Variants in IMPG2 observed in about 807,000 individuals in gnomAD.
IMPG2 encodes IPM 200.
Under a neutral mutation model 129.2 loss-of-function variants are expected in IMPG2, and 91 were observed. That is an observed-to-expected ratio of 0.70 (90% CI 0.59 to 0.84). The LOEUF is 0.84. IMPG2 is among the 40% of genes least tolerant of loss of function. The pLI is 0.00. For missense variants in IMPG2, 1,430 were observed against 1,461.7 expected (o/e 0.98, Z 0.35); for synonymous variants, 510 against 517.7 (o/e 0.99, Z 0.20).
In IMPG2 at chr3:101,245,855, C is replaced by T; in HGVS notation, c.1490G>A (p.Gly497Asp). The T allele has an allele frequency of 6.2e-7, 1 of 1,614,196 alleles. No homozygotes were observed. Among genetic ancestry groups the T allele is most frequent in the South Asian group, 1.1e-5 (1 of 91,090 alleles). The change falls in exon 12 of 19, where the codon GGC becomes GAC. Residue 497 changes from glycine (G) to aspartate (D), a missense_variant. By Grantham distance (94) the Gly-to-Asp change is moderately conservative. Coordinates refer to ENST00000193391, the MANE Select transcript of IMPG2 (RefSeq NM_016247.4). Reference protein sequence around the residue: ...HSVTPAVLQTGLPVASEERTS... With the variant: ...HSVTPAVLQTDLPVASEERTS... ...CCTTTCCTCAGAAGCCACAGGCAAGCCAGTCTGAAGCACTGCCGGGGTGAC... is the reference window on the plus strand; with the variant it reads ...CCTTTCCTCAGAAGCCACAGGCAAGTCAGTCTGAAGCACTGCCGGGGTGAC...
At chr3:101,314,226 C>T (rs889168567) in intron 2 of IMPG2, among the ~76,000 whole-genome samples, 2 of 151,960 alleles carry the variant, frequency 1.3e-5, no homozygotes, top group Non-Finnish European at 2.9e-5. Context: ...AATAATATTC[C>T]TAAAAACAAA....
At chr3:101,292,547 T>A (rs913760342) in intron 3 of IMPG2, among the ~76,000 whole-genome samples, 1 of 152,226 alleles carries the variant, frequency 6.6e-6, no homozygotes, top group African/African-American at 2.4e-5. Flanking sequence ...TCTTTCTGCT[T>A]CTGGAGGGTC....
Position 101,320,416 on chromosome 3 carries a change from T to A in IMPG2, c.-44A>T. 1 of 1,191,656 alleles carries A rather than the reference T, an allele frequency of 8.4e-7. No individual in the cohort carries two copies. Among genetic ancestry groups the A allele is most frequent in the Non-Finnish European group, 1.3e-6 (1 of 798,606 alleles). The allele number at this position is 1,191,656 out of a possible 1,614,324, so 73.8% of individuals were successfully genotyped here. A position where few individuals can be genotyped will look rare whatever the true frequency, so the allele number is the denominator to read the frequency against. On this transcript the variant is annotated 5_prime_UTR_variant, in exon 1 of 19. Transcript: ENST00000193391. ...AATGAGGAGAGGACAGAATCCTTAA[T>A]TGAGTGTCCAAATCCTTGAAACTTC...
chr3:101,246,332 G>A (rs924379597), intron 11 of IMPG2, among the ~76,000 whole-genome samples: 1 of 152,084 alleles, frequency 6.6e-6, no homozygotes, highest in Non-Finnish European at 1.5e-5. Context: ...GAAAACCAAG[G>A]ACAGATGAGG....
At chr3:101,257,808 C>T (rs1423983749) in intron 9 of IMPG2, 35 bp from the exon 10 acceptor site, 1 of 1,611,350 alleles carries the variant, frequency 6.2e-7, no homozygotes, top group East Asian at 2.2e-5. Context: ...TTAGGTTCAG[C>T]TAAGGAAGCA....
intron 10 of IMPG2, 122 bp from the exon 11 acceptor site, chr3:101,253,903 A>G: frequency 1.4e-6 from 1 of 697,138 alleles, no homozygotes; most frequent in African/African-American, 1.8e-5. Context: ...AAAATACGGG[A>G]CACACTTACT....
At chr3:101,233,013 A>G in intron 14 of IMPG2, 22 bp from the exon 15 acceptor site, 2 of 1,611,460 alleles carry the variant, frequency 1.2e-6, no homozygotes, top group Non-Finnish European at 1.7e-6. Context: ...AACAAAGAAT[A>G]ATGCAAGAAA....
At chr3:101,303,211 A>G (rs1229345451) in intron 3 of IMPG2, among the ~76,000 whole-genome samples, 2 of 152,206 alleles carry the variant, frequency 1.3e-5, no homozygotes, top group African/African-American at 4.8e-5. Context: ...TATTGCTCAT[A>G]TACTCATTTA....
At chr3:101,249,517 A>G (rs528058586) in intron 11 of IMPG2, among the ~76,000 whole-genome samples, 3 of 152,264 alleles carry the variant, frequency 2.0e-5, no homozygotes, top group Non-Finnish European at 4.4e-5. Flanking sequence ...GATAAAAAGT[A>G]TATGATGCAA....
At chr3:101,256,327 CAT>C (rs1475718690) in intron 10 of IMPG2, among the ~76,000 whole-genome samples, 2 of 151,886 alleles carry the variant, frequency 1.3e-5, no homozygotes, top group Non-Finnish European at 2.9e-5. Flanking sequence ...CACACACACA[CAT>C]ACACACAAAT....
chr3:101,242,956 T>C (rs374444868), intron 13 of IMPG2, 49 bp from the exon 14 acceptor site: 3 of 1,466,628 alleles, frequency 2.0e-6, no homozygotes, highest in Non-Finnish European at 1.9e-6. Context: ...TCACATTTTG[T>C]TCAATACATA....
chr3:101,272,066 T>C (rs1294386818), intron 7 of IMPG2, among the ~76,000 whole-genome samples: 10 of 151,416 alleles, frequency 6.6e-5, no homozygotes, highest in Non-Finnish European at 2.9e-5. Flanking sequence ...ATCCCAAGCC[T>C]ATCATGCCCC....
intron 6 of IMPG2, 63 bp from the exon 7 acceptor site, chr3:101,273,805 T>C: frequency 6.8e-7 from 1 of 1,473,530 alleles, no homozygotes; most frequent in Non-Finnish European, 9.5e-7. Context: ...CAAACATTTA[T>C]TGATTGTTTC....
intron 7 of IMPG2, among the ~76,000 whole-genome samples, chr3:101,271,050 C>A (rs1462141368): frequency 6.6e-6 from 1 of 151,104 alleles, no homozygotes; most frequent in Non-Finnish European, 1.5e-5. Flanking sequence ...GAATAAAGAT[C>A]CAAAGCCAAA....
At chr3:101,251,227 T>G (rs975728238) in intron 11 of IMPG2, among the ~76,000 whole-genome samples, 3 of 152,202 alleles carry the variant, frequency 2.0e-5, no homozygotes, top group Admixed American at 6.5e-5. Context: ...TAATATACCA[T>G]TTCAGTATAT....
chr3:101,320,052 A>G (rs1234743955), intron 1 of IMPG2, among the ~76,000 whole-genome samples: 1 of 152,116 alleles, frequency 6.6e-6, no homozygotes, highest in Admixed American at 6.6e-5. Flanking sequence ...AATCAAGTAA[A>G]TACACATCCA....
At position 101,232,981 on chromosome 3, in the gene IMPG2, G is replaced by A. The variant is rs1706307082; in HGVS notation, c.3033C>T (p.Ala1011=). The change falls in exon 15 of 19, where the codon GCC becomes GCT. Residue 1011 remains alanine, a synonymous_variant. Coordinates refer to ENST00000193391, the MANE Select transcript of IMPG2 (RefSeq NM_016247.4). ...TACAGGCCTGAAACTTGCAAGGGTT[G>A]GCTTCATCACCTAAAACATTAAACA... ...YSLDVESGDE[A]NPCKFQACNE... 1 of 1,613,880 alleles carries A rather than the reference G, an allele frequency of 6.2e-7. No individual in the cohort carries two copies. Among genetic ancestry groups the A allele is most frequent in the Non-Finnish European group, 8.5e-7 (1 of 1,179,886 alleles).
chr3:101,294,067 TTTTA>T (rs925358831), intron 3 of IMPG2, among the ~76,000 whole-genome samples: 14 of 152,264 alleles, frequency 9.2e-5, no homozygotes, highest in South Asian at 6.2e-4. Flanking sequence ...TTAAATTTAT[TTTTA>T]TTTATTTATT....
At chr3:101,269,209 C>CCTTCAGG (rs2308179) in intron 8 of IMPG2, among the ~76,000 whole-genome samples, 137,555 of 151,908 alleles carry the variant, frequency 0.91, 62,402 homozygotes, top group East Asian at 1. Context: ...ATCTCGTCTG[C>CCTTCAGG]CTCCTATCAG....
Sources: gnomAD v4.1 joint callset for allele counts (sites outside exome capture counted in the v4.1 genomes callset) on GRCh38, gnomAD v4.1.1 for gene constraint, MANE v1.5 for transcripts, NCBI Gene and HGNC (gene_info 2026-07-23, HGNC 2026-07-21) for gene names.